SLC25A10: variants seen among roughly 807,000 people sequenced by gnomAD.
SLC25A10 encodes solute carrier family 25 member 10.
A neutral mutation model predicts 40.4 loss-of-function variants in SLC25A10; 32 were observed. That is an observed-to-expected ratio of 0.79 (90% confidence interval 0.60 to 1.06). SLC25A10 has a LOEUF of 1.06. Among genes scored for constraint, SLC25A10 ranks in the 50% least tolerant of loss-of-function variants. The pLI is 0.00. For missense variants in SLC25A10, 394 were observed against 402.6 expected (o/e 0.98, Z 0.18); for synonymous variants, 181 against 171.1 (o/e 1.06, Z -0.45).
At position 81,720,026 on chromosome 17, in the gene SLC25A10, T is replaced by C. The variant is rs563613675; in HGVS notation, c.813T>C (p.Phe271=). 5.8e-5 allele frequency: 94 copies of C among 1,613,758 alleles called. 1 individual carries two copies. The South Asian group carries it at 9.9e-4, about 17-fold the overall frequency. ...IRLIPHTVLT[F]VFLEQLRKNF... ...TCATCCCCCACACCGTGCTCACTTT[T>C]GTGTTTCTGGAACAGCTACGCAAAA... The change falls in exon 11 of 11, where the codon TTT becomes TTC. Residue 271 remains phenylalanine, a synonymous_variant. Coordinates refer to ENST00000350690, the MANE Select transcript of SLC25A10 (RefSeq NM_012140.5).
Position 81,716,992 on chromosome 17 carries a change from C to T in SLC25A10, c.464-10C>T. ...TGCCTCACCCCTTGCCTCACCCCTT[C>T]CTTGTGCAGAGGGTCTCAGGAGACT... is the stretch of plus-strand genomic sequence containing the variant. On this transcript the variant is annotated splice_polypyrimidine_tract_variant and intron_variant, in intron 6 of 10. Transcript: ENST00000350690. 1 of 1,315,662 alleles carries T rather than the reference C, an allele frequency of 7.6e-7. No individual in the cohort carries two copies. The highest frequency in any genetic ancestry group is 1.2e-5 in the South Asian group (1 of 83,262). The allele number at this position is 1,315,662 out of a possible 1,614,324, so 81.5% of individuals were successfully genotyped here.
chr17:81,718,819 C>A (rs1480264030), intron 9 of SLC25A10, among the ~76,000 whole-genome samples: 1 of 143,914 alleles, frequency 6.9e-6, no homozygotes, highest in Non-Finnish European at 1.5e-5. Context: ...CCTGGTGGCG[C>A]ACGCCTGTAA....
intron 10 of SLC25A10, 24 bp from the exon 11 acceptor site, chr17:81,719,952 C>T: frequency 6.2e-7 from 1 of 1,613,738 alleles, no homozygotes; most frequent in Non-Finnish European, 8.5e-7. Context: ...CTCTGTGTCT[C>T]TCATTTTCCC....
At chr17:81,715,821 C>A in intron 4 of SLC25A10, 80 bp downstream of exon 4, 1 of 1,575,790 alleles carries the variant, frequency 6.3e-7, no homozygotes, top group Non-Finnish European at 8.7e-7. Context: ...GGGCTGCTTG[C>A]AGGGTGGGGT....
intron 9 of SLC25A10, among the ~76,000 whole-genome samples, chr17:81,719,375 T>G (rs1216734106): frequency 6.6e-6 from 1 of 152,202 alleles, no homozygotes; most frequent in Non-Finnish European, 1.5e-5. Context: ...CCAAAAACAT[T>G]TCTTTCACAG....
chr17:81,712,660 GC>G, intron 1 of SLC25A10, 141 bp downstream of exon 1: 1 of 552,892 alleles, frequency 1.8e-6, no homozygotes, highest in Non-Finnish European at 2.7e-6. Flanking sequence ...GGCCCCCGAC[GC>G]CCGGATGGCC....
rs1387524967 is a variant in SLC25A10, at chr17:81,720,982, G to T, written c.*905G>T. Reference sequence around the variant, plus strand: ...TGGGAAGGGCAGTGTGCTCTGTGGGGGCTGCAATCAATAAATGCCGGGAGC... The same window carrying T: ...TGGGAAGGGCAGTGTGCTCTGTGGGTGCTGCAATCAATAAATGCCGGGAGC... On this transcript the variant is annotated 3_prime_UTR_variant, in exon 11 of 11. Transcript: ENST00000350690. 1 of 154,078 alleles carries T rather than the reference G, an allele frequency of 6.5e-6. No homozygotes were observed. The highest frequency in any genetic ancestry group is 1.4e-5 in the Non-Finnish European group (1 of 69,446). The allele number at this position is 154,078 out of a possible 1,614,324, so 9.5% of individuals were successfully genotyped here. A position where few individuals can be genotyped will look rare whatever the true frequency, so the allele number is the denominator to read the frequency against.
intron 2 of SLC25A10, 64 bp from the exon 3 acceptor site, chr17:81,715,414 C>G: frequency 7.1e-7 from 1 of 1,406,520 alleles, no homozygotes; most frequent in South Asian, 1.2e-5. Context: ...CTGGCTGGGC[C>G]GGGTGGCGAG....
At position 81,714,966 on chromosome 17, in the gene SLC25A10, C is replaced by T. The variant is rs746686389; in HGVS notation, c.107C>T (p.Thr36Met). Residue 36 changes from threonine to methionine, a missense_variant, in exon 2 of 11, where the codon ACG becomes ATG. Transcript: ENST00000350690. The stretch of plus-strand genomic sequence containing the variant: ...TCACTCCCGCAGGTGCATCTGCAGA[C>T]GCAGCAGGAGGTGAAGCTGCGCATG... Reference protein sequence around the residue: ...PLDLLKVHLQTQQEVKLRMTG... With the variant: ...PLDLLKVHLQMQQEVKLRMTG... 26 of 1,608,526 alleles carry T rather than the reference C, an allele frequency of 1.6e-5. 1 individual carries two copies. Among genetic ancestry groups the T allele is most frequent in the South Asian group, 6.6e-5 (6 of 91,012 alleles).
intron 9 of SLC25A10, among the ~76,000 whole-genome samples, chr17:81,719,214 C>T (rs1036123282): frequency 5.3e-5 from 8 of 151,528 alleles, no homozygotes; most frequent in South Asian, 2.1e-4. Context: ...ATTACAGGCA[C>T]GTGCCACCAC....
intron 3 of SLC25A10, 49 bp downstream of exon 3, chr17:81,715,641 C>T (rs201160441): frequency 2.2e-5 from 36 of 1,612,592 alleles, no homozygotes; most frequent in East Asian, 2.2e-4. Flanking sequence ...TCAGGTCGGC[C>T]GAGGACGCCG....
rs1268090099 is a variant in SLC25A10 at position 81,712,296 on chromosome 17, C to A, written c.-131C>A. 3 of 381,244 alleles carry A rather than the reference C, an allele frequency of 7.9e-6. No homozygotes were observed. Among genetic ancestry groups the A allele is most frequent in the African/African-American group, 4.4e-5 (2 of 45,620 alleles). 23.6% of individuals were successfully genotyped at this position (381,244 alleles called of 1,614,324 possible). ...GGGGCGCGCGCGCGCATTGGCTGTG[C>A]GGGGTGCGGGCGCGCGGGCGGCGCT... On this transcript the variant is annotated 5_prime_UTR_variant, in exon 1 of 11. Coordinates refer to ENST00000350690, the MANE Select transcript of SLC25A10 (RefSeq NM_012140.5).
Position 81,715,026 on chromosome 17 carries a change from G to A in SLC25A10, c.167G>A (p.Gly56Asp). The change falls in exon 2 of 11, where the codon GGC becomes GAC. Residue 56 changes from glycine to aspartate, a missense_variant. Gly to Asp is a moderately conservative substitution (Grantham distance 94). Coordinates refer to ENST00000350690, the MANE Select transcript of SLC25A10 (RefSeq NM_012140.5). ...GCGCTGCGGGTGGTGCGTACCGACG[G>A]CATCCTGGCACTCTACAGCGGCCTG... Reference protein sequence around the residue: ...GMALRVVRTDGILALYSGLSA... With the variant: ...GMALRVVRTDDILALYSGLSA... The A allele has an allele frequency of 6.2e-7, 1 of 1,610,076 alleles. No homozygotes were observed. The highest frequency in any genetic ancestry group is 1.7e-5 in the Admixed American group (1 of 60,000).
intron 8 of SLC25A10, 143 bp downstream of exon 8, chr17:81,717,634 G>T: frequency 3.1e-6 from 4 of 1,274,188 alleles, no homozygotes; most frequent in East Asian, 4.9e-5. Flanking sequence ...GGGTGCCAGG[G>T]CTTTGGGAGC....
Position 81,712,454 on chromosome 17 carries a change from TG to T in SLC25A10, c.30del (p.Trp10CysfsTer31), listed in dbSNP as rs1332080569. Reference sequence around the variant, plus strand: ...GGCAGCCGAGGCGCGCGTGTCGCGCTGGTACTTCGGGGGGCTGGCCTCCTGC... The same window carrying T: ...GGCAGCCGAGGCGCGCGTGTCGCGCTGTACTTCGGGGGGCTGGCCTCCTGC... MAAEARVSR[W>X]YFGGLASCGA... On this transcript the variant is annotated frameshift_variant, in exon 1 of 11. Coordinates refer to ENST00000350690, the MANE Select transcript of SLC25A10 (RefSeq NM_012140.5). LOFTEE classifies it high-confidence loss of function. 7.6e-7 allele frequency: 1 copy of T among 1,311,334 alleles called. No homozygotes were observed. Among genetic ancestry groups the T allele is most frequent in the Admixed American group, 3.7e-5 (1 of 27,102 alleles). The allele number at this position is 1,311,334 out of a possible 1,614,324, so 81.2% of individuals were successfully genotyped here. A position where few individuals can be genotyped will look rare whatever the true frequency, so the allele number is the denominator to read the frequency against.
intron 9 of SLC25A10, among the ~76,000 whole-genome samples, chr17:81,718,757 A>G (rs1365429946): frequency 2.7e-5 from 4 of 146,336 alleles, no homozygotes; most frequent in Non-Finnish European, 3.0e-5. Flanking sequence ...GACCAGCCTG[A>G]CCAACATGGT....
intron 8 of SLC25A10, 63 bp downstream of exon 8, chr17:81,717,554 AG>A (rs2037512625): frequency 3.2e-6 from 5 of 1,570,934 alleles, no homozygotes; most frequent in African/African-American, 2.7e-5. Context: ...GAGGGCACCC[AG>A]GATGGGGCGA....
intron 1 of SLC25A10, 112 bp downstream of exon 1, chr17:81,712,631 C>A: frequency 2.5e-6 from 2 of 786,290 alleles, no homozygotes; most frequent in East Asian, 3.6e-5. Context: ...CCGGGGCTCC[C>A]TCCTGGAGAG....
intron 1 of SLC25A10, among the ~76,000 whole-genome samples, chr17:81,712,804 C>T (rs529855039): frequency 1.3e-5 from 2 of 152,390 alleles, no homozygotes; most frequent in South Asian, 4.1e-4. Context: ...ACTTTAATAC[C>T]TGGTGACCTT....
Sources: allele counts gnomAD v4.1 joint callset (sites outside exome capture counted in the v4.1 genomes callset), GRCh38; gene constraint gnomAD v4.1.1; transcripts MANE v1.5; gene names NCBI Gene and HGNC (gene_info 2026-07-23, HGNC 2026-07-21).